The following KCNN2 variants were observed in gnomAD, a reference collection of about 807,000 sequenced individuals.
The protein encoded by KCNN2 is potassium calcium-activated channel subfamily N member 2.
A neutral mutation model predicts 55.5 loss-of-function variants in KCNN2; 24 were observed. The observed-to-expected ratio is 0.43, with a 90% CI of 0.31 to 0.61. The LOEUF (loss-of-function observed/expected upper bound fraction) is 0.61. Ranked by LOEUF, KCNN2 falls within the 20% of genes least tolerant of loss-of-function variation. The pLI is 0.08. For missense variants in KCNN2, 754 were observed against 853.6 expected, an observed-to-expected ratio of 0.88 and a Z score of 1.45; for synonymous variants, 431 against 336.1, an observed-to-expected ratio of 1.28 and a Z score of -3.09.
intron 5 of KCNN2, among the ~76,000 whole-genome samples, chr5:114,476,816 C>T (rs183972830): frequency 6.6e-6 from 1 of 152,220 alleles, no homozygotes; most frequent in East Asian, 1.9e-4. Context: ...TTATAATACC[C>T]ATTCCTGTAT....
chr5:114,114,425 G>C (rs1751672319), intron 1 of KCNN2, among the ~76,000 whole-genome samples: 1 of 151,918 alleles, frequency 6.6e-6, no homozygotes, highest in Non-Finnish European at 1.5e-5. Context: ...TTTTTGTGGA[G>C]ACAAGGTCTC....
intron 1 of KCNN2, among the ~76,000 whole-genome samples, chr5:114,146,392 C>T (rs147403069): frequency 4.7e-4 from 72 of 152,164 alleles, no homozygotes; most frequent in Non-Finnish European, 9.3e-4. Flanking sequence ...GTTTAATATG[C>T]CACTGATCAA....
chr5:114,144,646 A>G (rs1172370137), intron 1 of KCNN2, among the ~76,000 whole-genome samples: 1 of 152,124 alleles, frequency 6.6e-6, no homozygotes, highest in African/African-American at 2.4e-5. Flanking sequence ...CAATACAAGT[A>G]TACAAGTAAC....
In KCNN2 at chr5:114,179,421, A is replaced by G. The variant is rs534407707; in HGVS notation, c.-270-42059A>G. On this transcript the variant is annotated intron_variant, in intron 1 of 10. Coordinates refer to the KCNN2 transcript ENST00000512097. Reference sequence around the variant, plus strand: ...TGATATAAGAGAAAGAAAGGAGAGAACAAGAGTACCTCCACTTTTCCTCCT... The same window carrying G: ...TGATATAAGAGAAAGAAAGGAGAGAGCAAGAGTACCTCCACTTTTCCTCCT... Among the ~76,000 whole-genome samples the G allele has an allele frequency of 9.8e-5, 15 of 152,338 alleles. No homozygotes were observed. The East Asian group carries it at 2.5e-3, about 25-fold the overall frequency.
At chr5:114,154,273 G>A (rs879822111) in intron 1 of KCNN2, among the ~76,000 whole-genome samples, 17 of 152,140 alleles carry the variant, frequency 1.1e-4, no homozygotes, top group Non-Finnish European at 1.0e-4. Flanking sequence ...GTTATGGCAT[G>A]TGCAGAGAAA....
chr5:114,459,753 C>CCTAAA (rs1761108408), intron 3 of KCNN2, among the ~76,000 whole-genome samples: 1 of 152,036 alleles, frequency 6.6e-6, no homozygotes, highest in African/African-American at 2.4e-5. Context: ...AATCCCAAGC[C>CCTAAA]CTAAAATGCC....
At chr5:114,450,413 C>T (rs752850086) in intron 3 of KCNN2, among the ~76,000 whole-genome samples, 18 of 152,134 alleles carry the variant, frequency 1.2e-4, no homozygotes, top group Non-Finnish European at 2.1e-4. Flanking sequence ...ATAGAGGTTG[C>T]CCCGCAATGT....
At chr5:114,236,482 A>G (rs1369913614) in intron 2 of KCNN2, among the ~76,000 whole-genome samples, 2 of 152,098 alleles carry the variant, frequency 1.3e-5, no homozygotes, top group East Asian at 1.9e-4. Context: ...TACTAAAATA[A>G]TGAGTACTCA....
intron 1 of KCNN2, among the ~76,000 whole-genome samples, chr5:114,084,382 T>C (rs962923354): frequency 1.3e-4 from 20 of 152,110 alleles, no homozygotes; most frequent in African/African-American, 4.3e-4. Context: ...ACATACGTTA[T>C]GGTATTTCAC....
chr5:114,436,108 C>T (rs1759995833), intron 3 of KCNN2, among the ~76,000 whole-genome samples: 1 of 152,156 alleles, frequency 6.6e-6, no homozygotes, highest in African/African-American at 2.4e-5. Context: ...TCAGGGTCAC[C>T]TCATTATACT....
intron 1 of KCNN2, among the ~76,000 whole-genome samples, chr5:114,103,741 A>T (rs1235093666): frequency 1.4e-5 from 2 of 146,758 alleles, no homozygotes; most frequent in Non-Finnish European, 3.1e-5. Flanking sequence ...TGATTTGCAT[A>T]TGTTGAATCA....
chr5:114,369,639 C>T (rs1005504648), intron 2 of KCNN2, among the ~76,000 whole-genome samples: 17 of 152,130 alleles, frequency 1.1e-4, no homozygotes, highest in Non-Finnish European at 2.4e-4. Context: ...TCCTCTATAT[C>T]AGAAGTAATG....
intron 3 of KCNN2, among the ~76,000 whole-genome samples, chr5:114,447,162 A>C (rs1760446628): frequency 6.6e-6 from 1 of 152,208 alleles, no homozygotes; most frequent in African/African-American, 2.4e-5. Flanking sequence ...AAGCCTATGT[A>C]GAACACATGC....
intron 2 of KCNN2, among the ~76,000 whole-genome samples, chr5:114,222,959 A>G (rs914754820): frequency 6.6e-6 from 1 of 152,190 alleles, no homozygotes; most frequent in Non-Finnish European, 1.5e-5. Context: ...GCAGCAGATG[A>G]ATGCCATCTC....
chr5:114,294,498 C>A (rs933786168), intron 2 of KCNN2, among the ~76,000 whole-genome samples: 9 of 151,864 alleles, frequency 5.9e-5, no homozygotes, highest in African/African-American at 2.2e-4. Flanking sequence ...TGTAGTTGAG[C>A]GGTTTTGAGT....
intron 2 of KCNN2, among the ~76,000 whole-genome samples, chr5:114,390,023 A>T (rs1213726582): frequency 6.6e-6 from 1 of 152,156 alleles, no homozygotes; most frequent in Admixed American, 6.6e-5. Context: ...CCTGTGCTTT[A>T]ACTGGACTCT....
chr5:114,347,728 C>T (rs1251647285), intron 2 of KCNN2, among the ~76,000 whole-genome samples: 1 of 152,100 alleles, frequency 6.6e-6, no homozygotes, highest in East Asian at 1.9e-4. Context: ...TGACCTTTAC[C>T]TTGGCTAAAA....
At chr5:114,382,353 G>T (rs1384469645) in intron 2 of KCNN2, among the ~76,000 whole-genome samples, 1 of 152,146 alleles carries the variant, frequency 6.6e-6, no homozygotes, top group Non-Finnish European at 1.5e-5. Flanking sequence ...CCATTGGAGA[G>T]GTTTACTAAA....
At chr5:114,117,140 A>C (rs1751722574) in intron 1 of KCNN2, among the ~76,000 whole-genome samples, 1 of 152,190 alleles carries the variant, frequency 6.6e-6, no homozygotes, top group Non-Finnish European at 1.5e-5. Context: ...AGATCAAGAC[A>C]TGACTAAGCA....
Sources: gnomAD v4.1 joint callset for allele counts (sites outside exome capture counted in the v4.1 genomes callset) on GRCh38, gnomAD v4.1.1 for gene constraint, MANE v1.5 for transcripts, NCBI Gene and HGNC (gene_info 2026-07-23, HGNC 2026-07-21) for gene names.